B3GNT5: variants seen among roughly 807,000 people sequenced by gnomAD.
B3GNT5 encodes lactosylceramide 1,3-N-acetyl-beta-D-glucosaminyltransferase.
In B3GNT5, 11 loss-of-function variants were observed where a neutral mutation model predicts 25.9. That is an observed-to-expected ratio of 0.42 (90% confidence interval 0.27 to 0.70). The LOEUF is 0.70. B3GNT5 is among the 30% of genes least tolerant of loss of function. The pLI is 0.23. For synonymous variants in B3GNT5, 166 were observed against 158.6 expected, an observed-to-expected ratio of 1.05 and a Z score of -0.35; for missense variants, 385 against 458.4, an observed-to-expected ratio of 0.84 and a Z score of 1.46.
rs138386995 is a variant in B3GNT5, at chr3:183,270,013, G to A, written c.215G>A (p.Arg72His). ...CTTAAGCACACCTCAGCGGGGCCTC[G>A]CTACCAATACTTGATTAACCACAAG... ...LSLKHTSAGPRYQYLINHKEK... is the reference protein window; with the variant it reads ...LSLKHTSAGPHYQYLINHKEK... Residue 72 changes from arginine (R) to histidine (H), a missense_variant, in exon 2 of 2, where the codon CGC becomes CAC. Coordinates refer to ENST00000326505, the MANE Select transcript of B3GNT5 (RefSeq NM_032047.5). The surrounding 1 kb of genome is among the most constrained non-coding windows in gnomAD (Gnocchi z 4.5). The A allele has an allele frequency of 5.3e-4, 853 of 1,614,038 alleles. 2 individuals carry two copies. In the African/African-American group the frequency reaches 8.5e-3, roughly 16 times the overall value.
chr3:183,260,432 A>G (rs1449143825), intron 1 of B3GNT5, among the ~76,000 whole-genome samples: 3 of 152,224 alleles, frequency 2.0e-5, no homozygotes, highest in Non-Finnish European at 4.4e-5. Flanking sequence ...TGCAAGAATG[A>G]GCACAGAGGG....
chr3:183,256,414 A>C (rs1438974523), intron 1 of B3GNT5, among the ~76,000 whole-genome samples: 1 of 152,188 alleles, frequency 6.6e-6, no homozygotes, highest in African/African-American at 2.4e-5. Flanking sequence ...TATTTAAAGG[A>C]TAAGAAACTT....
chr3:183,269,932 CAT>C lies in B3GNT5; in HGVS notation c.137_138del (p.Tyr46PhefsTer8). On this transcript the variant is annotated frameshift_variant, in exon 2 of 2. Coordinates refer to ENST00000326505, the MANE Select transcript of B3GNT5 (RefSeq NM_032047.5). LOFTEE classifies it high-confidence loss of function. Reference sequence around the variant, plus strand: ...AATCACATTGTGAGCCATATGAAGTCATATTCTTACAGATACCTCATAAATAG... The same window carrying C: ...AATCACATTGTGAGCCATATGAAGTCATTCTTACAGATACCTCATAAATAG... 5 of 1,614,130 alleles carry C rather than the reference CAT, an allele frequency of 3.1e-6. No individual in the cohort carries two copies. The highest frequency in any genetic ancestry group is 4.2e-6 in the Non-Finnish European group (5 of 1,180,030).
At position 183,269,934 on chromosome 3, in the gene B3GNT5, T is replaced by C. The variant is rs928926820; in HGVS notation, c.136T>C (p.Tyr46His). ...TCACATTGTGAGCCATATGAAGTCA[T>C]ATTCTTACAGATACCTCATAAATAG... ...DNHIVSHMKS[Y>H]SYRYLINSYD... Residue 46 changes from tyrosine to histidine, a missense_variant, in exon 2 of 2, where the codon TAT (tyrosine) becomes CAT (histidine). Tyr to His is a moderately conservative substitution (Grantham distance 83). Transcript: ENST00000326505. 4 of 1,614,072 alleles carry C rather than the reference T, an allele frequency of 2.5e-6. No homozygotes were observed. In the Admixed American group the frequency reaches 6.7e-5, roughly 27 times the overall value.
Position 183,269,230 on chromosome 3 carries a change from CTTT to C in B3GNT5, c.-301-252_-301-250del, listed in dbSNP as rs60835895. ...TACACGATTATAGCCGTTTGGGAAG[CTTT>C]TTTTTTTTTTTTTTTAAGAGTAGGA... On this transcript the variant is annotated intron_variant, in intron 1 of 1. Transcript: ENST00000326505. Among the ~76,000 whole-genome samples the C allele has an allele frequency of 1.3e-3, 105 of 80,980 alleles. 1 individual carries two copies. The highest frequency in any genetic ancestry group is 1.8e-3 in the Non-Finnish European group (81 of 45,086). The allele number at this position is 80,980 out of a possible 152,430, so 53.1% of individuals were successfully genotyped here.
In B3GNT5 at chr3:183,271,168, G is replaced by T; in HGVS notation, c.*233G>T. 1 of 368,646 alleles carries T rather than the reference G, an allele frequency of 2.7e-6. No homozygotes were observed. Among genetic ancestry groups the T allele is most frequent in the Non-Finnish European group, 5.0e-6 (1 of 201,246 alleles). 22.8% of individuals were successfully genotyped at this position (368,646 alleles called of 1,614,324 possible). ...TTTAGAAAAGGTTTATATTATTAGT[G>T]AAAACAAAACTAAAGGGAAGTTCAA... is the stretch of plus-strand genomic sequence containing the variant. On this transcript the variant is annotated 3_prime_UTR_variant, in exon 2 of 2. Coordinates refer to ENST00000326505, the MANE Select transcript of B3GNT5 (RefSeq NM_032047.5).
rs1459226733 is a variant in B3GNT5, at chr3:183,269,900, A to T, written c.102A>T (p.Pro34=). The T allele has an allele frequency of 3.7e-6, 6 of 1,613,916 alleles. No individual in the cohort carries two copies. The highest frequency in any genetic ancestry group is 5.1e-6 in the Non-Finnish European group (6 of 1,180,012). ...CGAGCCTCATGTTTTTTTGGGAACC[A>T]ATCGATAATCACATTGTGAGCCATA... ...FLASLMFFWE[P]IDNHIVSHMK... Residue 34 remains proline (P), a synonymous_variant, in exon 2 of 2, where the codon CCA becomes CCT. Transcript: ENST00000326505.
intron 1 of B3GNT5, chr3:183,254,562 C>G (rs1454462690): frequency 6.6e-6 from 1 of 152,158 alleles, no homozygotes; most frequent in Non-Finnish European, 1.5e-5. Flanking sequence ...CTGCGGGTCC[C>G]CGTCCCTGAG....
intron 1 of B3GNT5, among the ~76,000 whole-genome samples, chr3:183,264,146 C>T (rs910720466): frequency 6.6e-6 from 1 of 152,192 alleles, no homozygotes; most frequent in Non-Finnish European, 1.5e-5. Context: ...TCTGTACCCC[C>T]CTAAGACTCC....
At chr3:183,256,282 G>A (rs891362609) in intron 1 of B3GNT5, among the ~76,000 whole-genome samples, 3 of 152,204 alleles carry the variant, frequency 2.0e-5, no homozygotes, top group East Asian at 3.9e-4. Context: ...CTTTGATATC[G>A]AATCTCTGTG....
In B3GNT5 at chr3:183,267,400, G is replaced by A. The variant is rs778845466; in HGVS notation, c.-301-2098G>A. Among the ~76,000 whole-genome samples the A allele has an allele frequency of 7.9e-5, 12 of 152,250 alleles. No individual in the cohort carries two copies. Among genetic ancestry groups the A allele is most frequent in the Non-Finnish European group, 1.6e-4 (11 of 68,038 alleles). Reference sequence around the variant, plus strand: ...CTTTGCCTCCACCCTGATGTGGAGTGATCATGGGGGTGGGAAATATAGCTG... The same window carrying A: ...CTTTGCCTCCACCCTGATGTGGAGTAATCATGGGGGTGGGAAATATAGCTG... On this transcript the variant is annotated intron_variant, in intron 1 of 1. Transcript: ENST00000326505. This position sits in a 1 kb window ranked among gnomAD's most constrained non-coding sequence, Gnocchi z 5.5.
chr3:183,264,401 A>G (rs1725908613), intron 1 of B3GNT5, among the ~76,000 whole-genome samples: 1 of 152,166 alleles, frequency 6.6e-6, no homozygotes, highest in Non-Finnish European at 1.5e-5. Context: ...ACTGTACCTT[A>G]CCAGGATTTG....
intron 1 of B3GNT5, among the ~76,000 whole-genome samples, chr3:183,262,345 G>A (rs907382076): frequency 6.6e-6 from 1 of 152,084 alleles, no homozygotes; most frequent in African/African-American, 2.4e-5. Flanking sequence ...CCAGTCAGCA[G>A]GACAGGGATT....
intron 1 of B3GNT5, chr3:183,258,187 T>C (rs9784276): frequency 0.2 from 30,924 of 152,298 alleles, 7,006 homozygotes; most frequent in African/African-American, 0.56. Context: ...AGGATGGTCT[T>C]GATCTCCCGA....
At position 183,267,763 on chromosome 3, in the gene B3GNT5, G is replaced by A. The variant is rs1726303505; in HGVS notation, c.-301-1735G>A. The stretch of plus-strand genomic sequence containing the variant: ...AGGAGGGTGCTGCGTCCCAGTGGTG[G>A]AGGAAAAGAGAGGACCTGGTGTAAG... On this transcript the variant is annotated intron_variant, in intron 1 of 1. Transcript: ENST00000326505. The surrounding 1 kb of genome is among the most constrained non-coding windows in gnomAD (Gnocchi z 5.5). Among the ~76,000 whole-genome samples the A allele has an allele frequency of 6.6e-6, 1 of 152,202 alleles. No homozygotes were observed. The highest frequency in any genetic ancestry group is 2.4e-5 in the African/African-American group (1 of 41,440).
chr3:183,256,097 A>G (rs1357679400), intron 1 of B3GNT5, among the ~76,000 whole-genome samples: 3 of 152,248 alleles, frequency 2.0e-5, no homozygotes, highest in Non-Finnish European at 4.4e-5. Context: ...GGGGAATTTT[A>G]TATATGCTGA....
intron 1 of B3GNT5, 66 bp from the exon 2 acceptor site, chr3:183,269,432 A>G: frequency 5.3e-6 from 1 of 187,242 alleles, no homozygotes; most frequent in Non-Finnish European, 1.1e-5. Context: ...AATTAGGAAT[A>G]TGTTTCTTTC....
intron 1 of B3GNT5, among the ~76,000 whole-genome samples, chr3:183,266,301 C>A (rs1726118175): frequency 6.6e-6 from 1 of 152,238 alleles, no homozygotes; most frequent in African/African-American, 2.4e-5. Context: ...CCGGGCACAG[C>A]TGCTCAGGAA....
At position 183,260,920 on chromosome 3, in the gene B3GNT5, G is replaced by T. The variant is rs567466338; in HGVS notation, c.-302+7448G>T. ...GAATTCCAAATGGCTTCTAATTGTT[G>T]CCCATGGCTTGAAATAAAGTTCCAT... On this transcript the variant is annotated intron_variant, in intron 1 of 1. Transcript: ENST00000326505. 3.3e-5 allele frequency among the ~76,000 whole-genome samples: 5 copies of T among 152,250 alleles called. No homozygotes were observed. In the East Asian group the frequency reaches 9.6e-4, roughly 29 times the overall value.
Sources: allele counts gnomAD v4.1 joint callset (sites outside exome capture counted in the v4.1 genomes callset), GRCh38; gene constraint gnomAD v4.1.1; non-coding constraint Gnocchi (gnomAD v3.1); transcripts MANE v1.5; gene names NCBI Gene and HGNC (gene_info 2026-07-23, HGNC 2026-07-21).